CETP: variants seen among roughly 807,000 people sequenced by gnomAD.
CETP encodes BPI fold containing family F.
Under a neutral mutation model 66.5 loss-of-function variants are expected in CETP, and 56 were observed. The ratio of observed to expected loss-of-function variants is 0.84; its 90% confidence interval spans 0.68 to 1.05. The LOEUF (loss-of-function observed/expected upper bound fraction) is 1.05, where lower values mean the gene tolerates loss of function less well. CETP is among the 50% of genes least tolerant of loss of function. The probability of loss-of-function intolerance (pLI) is 0.00; values close to 1 mark genes in which losing one functional copy is unlikely to be tolerated. For synonymous variants in CETP, 251 were observed against 245.7 expected, an observed-to-expected ratio of 1.02 and a Z score of -0.20; for missense variants, 612 against 609.6, an observed-to-expected ratio of 1.00 and a Z score of -0.04.
At position 56,969,921 on chromosome 16, in the gene CETP, C is replaced by A; in HGVS notation, c.447C>A (p.Asp149Glu). Residue 149 changes from aspartate to glutamate, a missense_variant, in exon 5 of 16, where the codon GAC (aspartate) becomes GAA (glutamate). By Grantham distance (45) the Asp-to-Glu change is conservative. Coordinates refer to ENST00000200676, the MANE Select transcript of CETP (RefSeq NM_000078.3). ...DLQINTQLTC[D>E]SGRVRTDAPD... The stretch of plus-strand genomic sequence containing the variant: ...TGTCGGGTCTCCCTGCAGCCTGTGA[C>A]TCTGGTAGAGTGCGGACCGATGCCC... The A allele has an allele frequency of 6.2e-7, 1 of 1,614,104 alleles. No homozygotes were observed. The highest frequency in any genetic ancestry group is 2.2e-5 in the East Asian group (1 of 44,876).
intron 11 of CETP, among the ~76,000 whole-genome samples, chr16:56,980,345 A>G (rs760673660): frequency 3.3e-5 from 5 of 151,982 alleles, no homozygotes; most frequent in African/African-American, 4.8e-5. Context: ...ACTACCACGT[A>G]TTTTTTTGTA....
chr16:56,979,896 T>C (rs2056176104), intron 11 of CETP, among the ~76,000 whole-genome samples: 1 of 152,214 alleles, frequency 6.6e-6, no homozygotes, highest in African/African-American at 2.4e-5. Flanking sequence ...AAAACCACTG[T>C]CACCATAACC....
chr16:56,964,400 T>C (rs1405318307), intron 2 of CETP, among the ~76,000 whole-genome samples: 1 of 152,138 alleles, frequency 6.6e-6, no homozygotes, highest in Non-Finnish European at 1.5e-5. Flanking sequence ...TGACCCTGCT[T>C]AACAAACACG....
intron 8 of CETP, among the ~76,000 whole-genome samples, chr16:56,973,080 A>C (rs2056124164): frequency 6.6e-6 from 1 of 152,248 alleles, no homozygotes; most frequent in Non-Finnish European, 1.5e-5. Context: ...CGTTACTTGA[A>C]TATAACCCTG....
intron 2 of CETP, among the ~76,000 whole-genome samples, chr16:56,963,990 T>A (rs1169206216): frequency 7.6e-6 from 1 of 132,364 alleles, no homozygotes; most frequent in Non-Finnish European, 1.6e-5. Context: ...TTAATCTTTA[T>A]TTTATTTATT....
intron 2 of CETP, among the ~76,000 whole-genome samples, chr16:56,968,557 T>G (rs1479418546): frequency 6.6e-6 from 1 of 152,234 alleles, no homozygotes; most frequent in Non-Finnish European, 1.5e-5. Flanking sequence ...TTTTCACCCT[T>G]CTTCATATAC....
At chr16:56,980,618 A>G (rs2056180613) in intron 11 of CETP, among the ~76,000 whole-genome samples, 2 of 152,078 alleles carry the variant, frequency 1.3e-5, no homozygotes, top group African/African-American at 4.8e-5. Flanking sequence ...AACATTGAGC[A>G]TTTGTTAAAA....
intron 2 of CETP, among the ~76,000 whole-genome samples, chr16:56,968,820 T>G (rs9939224): frequency 0.75 from 113,636 of 150,930 alleles, 43,149 homozygotes; most frequent in East Asian, 0.87. Flanking sequence ...GATTGTTGTT[T>G]TTGTTCTATT....
chr16:56,962,992 C>CA lies in CETP; in HGVS notation c.119-17dup, dbSNP rs777115689. The CA allele has an allele frequency of 2.5e-6, 4 of 1,609,380 alleles. No individual in the cohort carries two copies. Among genetic ancestry groups the CA allele is most frequent in the Non-Finnish European group, 2.6e-6 (3 of 1,175,900 alleles). ...TGGTGTGGGCCTGCAGCCCCTCATC[C>CA]ACTGCCCTCCCCTCTAGTGAACCAC... On this transcript the variant is annotated splice_polypyrimidine_tract_variant and intron_variant, in intron 1 of 15. Transcript: ENST00000200676.
intron 2 of CETP, among the ~76,000 whole-genome samples, chr16:56,963,849 A>G (rs1023245773): frequency 5.3e-5 from 8 of 151,906 alleles, no homozygotes; most frequent in African/African-American, 1.5e-4. Context: ...TTGTATTTTT[A>G]GTAGAGATGG....
Position 56,975,168 on chromosome 16 carries a change from C to T in CETP, c.981+17C>T, listed in dbSNP as rs2056140909. 1 of 1,613,450 alleles carries T rather than the reference C, an allele frequency of 6.2e-7. No homozygotes were observed. The highest frequency in any genetic ancestry group is 2.2e-5 in the East Asian group (1 of 44,884). On this transcript the variant is annotated intron_variant, in intron 10 of 15. Coordinates refer to ENST00000200676, the MANE Select transcript of CETP (RefSeq NM_000078.3). ...TTCCAAGAGGTAACTGCCCCCTGCC[C>T]CTGTGTGGGGTTTATCTCACGTACC...
At chr16:56,980,065 T>A (rs2056177100) in intron 11 of CETP, among the ~76,000 whole-genome samples, 1 of 152,214 alleles carries the variant, frequency 6.6e-6, no homozygotes, top group African/African-American at 2.4e-5. Context: ...TCCCGCTTTG[T>A]CCACATCTTA....
At chr16:56,962,183 C>A in intron 1 of CETP, 86 bp downstream of exon 1, 2 of 1,166,096 alleles carry the variant, frequency 1.7e-6, no homozygotes, top group Non-Finnish European at 1.3e-6. Flanking sequence ...CTGAAGCCAG[C>A]CCTGAAGCCG....
chr16:56,978,268 C>T lies in CETP; in HGVS notation c.1146+13C>T, dbSNP rs1468352465. Reference sequence around the variant, plus strand: ...CACATTTGAAGAGGTGAGGCGGGTGCAGGGAGAGGTGGTGGTGGGGGAACC... The same window carrying T: ...CACATTTGAAGAGGTGAGGCGGGTGTAGGGAGAGGTGGTGGTGGGGGAACC... On this transcript the variant is annotated intron_variant, in intron 11 of 15. Coordinates refer to ENST00000200676, the MANE Select transcript of CETP (RefSeq NM_000078.3). 6.2e-7 allele frequency: 1 copy of T among 1,613,980 alleles called. No homozygotes were observed. The highest frequency in any genetic ancestry group is 1.1e-5 in the South Asian group (1 of 91,076).
At chr16:56,962,751 G>C (rs60195610) in intron 1 of CETP, among the ~76,000 whole-genome samples, 1 of 152,130 alleles carries the variant, frequency 6.6e-6, no homozygotes, top group South Asian at 2.1e-4. Context: ...TGCTAGGATC[G>C]TGGGGTTCCC....
At chr16:56,969,801 G>A (rs2141997281) in intron 4 of CETP, 113 bp from the exon 5 acceptor site, 2 of 1,538,498 alleles carry the variant, frequency 1.3e-6, no homozygotes, top group East Asian at 4.6e-5. Flanking sequence ...AGCCTGGGAA[G>A]TTTGCAGGGG....
intron 11 of CETP, 51 bp downstream of exon 11, chr16:56,978,306 G>A: frequency 6.2e-7 from 1 of 1,609,828 alleles, no homozygotes; most frequent in East Asian, 2.2e-5. Flanking sequence ...ACTCACATAT[G>A]GGCCGCAGAG....
Position 56,971,053 on chromosome 16 carries a change from T to G in CETP, c.548T>G (p.Leu183Arg). 3.1e-6 allele frequency: 5 copies of G among 1,614,170 alleles called. No individual in the cohort carries two copies. The highest frequency in any genetic ancestry group is 1.1e-5 in the South Asian group (1 of 91,078). ...GEREPGWIKQLFTNFISFTLK... is the reference protein window; with the variant it reads ...GEREPGWIKQRFTNFISFTLK... ...TTCAGGCCTGGGTGGATCAAGCAGCTGTTCACAAATTTCATCTCCTTCACC... is the reference window on the plus strand; with the variant it reads ...TTCAGGCCTGGGTGGATCAAGCAGCGGTTCACAAATTTCATCTCCTTCACC... The change falls in exon 6 of 16, where the codon CTG (leucine) becomes CGG (arginine). Residue 183 changes from leucine to arginine, a missense_variant. Transcript: ENST00000200676.
rs117159156 is a variant in CETP at position 56,980,483 on chromosome 16, T to C, written c.1147-675T>C. ...CACTGTGCCCAGTTTATTTAGCCTT[T>C]TAAATATCTCTTTAATTTTTGTATT... On this transcript the variant is annotated intron_variant, in intron 11 of 15. Transcript: ENST00000200676. Among the ~76,000 whole-genome samples the C allele has an allele frequency of 1.0e-3, 152 of 152,372 alleles. 1 individual carries two copies. The East Asian group carries it at 0.027, about 27-fold the overall frequency.
Sources: gnomAD v4.1 joint callset for allele counts (sites outside exome capture counted in the v4.1 genomes callset) on GRCh38, gnomAD v4.1.1 for gene constraint, MANE v1.5 for transcripts, NCBI Gene and HGNC (gene_info 2026-07-23, HGNC 2026-07-21) for gene names.